The following PRRG1 variants were observed in gnomAD, a reference collection of about 807,000 sequenced individuals.
The protein encoded by PRRG1 is proline rich and Gla domain 1, also known as transmembrane gamma-carboxyglutamic acid protein 1.
A neutral mutation model predicts 11.8 loss-of-function variants in PRRG1; 5 were observed. The observed-to-expected ratio is 0.42, with a 90% CI of 0.22 to 0.89. The LOEUF (loss-of-function observed/expected upper bound fraction) is 0.89, where lower values mean the gene tolerates loss of function less well. PRRG1 is among the 40% of genes least tolerant of loss of function. The probability of loss-of-function intolerance (pLI) is 0.28; values close to 1 mark genes in which losing one functional copy is unlikely to be tolerated. For missense variants in PRRG1, 155 were observed against 166.1 expected (o/e 0.93, Z 0.37); for synonymous variants, 66 against 60.4 (o/e 1.09, Z -0.43).
chrX:37,385,311 C>T (rs1601988247), intron 1 of PRRG1, among the ~76,000 whole-genome samples: 1 of 110,631 alleles, frequency 9.0e-6, no homozygotes, highest in East Asian at 2.9e-4. Context: ...AGTCGTTACC[C>T]TTATTAGGAA....
chrX:37,368,702 T>C (rs1005855819), intron 1 of PRRG1, among the ~76,000 whole-genome samples: 1 of 98,640 alleles, frequency 1.0e-5, no homozygotes, highest in Non-Finnish European at 1.9e-5. Flanking sequence ...CTAAGATCTG[T>C]TTTTTTTTAT....
chrX:37,359,202 C>CT (rs1337851119), intron 1 of PRRG1, among the ~76,000 whole-genome samples: 2 of 111,217 alleles, frequency 1.8e-5, no homozygotes, highest in Non-Finnish European at 3.8e-5. Flanking sequence ...ACATCCTTGC[C>CT]TTTTTTCTGA....
At chrX:37,363,266 G>A (rs1930469281) in intron 1 of PRRG1, among the ~76,000 whole-genome samples, 1 of 111,412 alleles carries the variant, frequency 9.0e-6, no homozygotes, top group Admixed American at 9.5e-5. Context: ...TAGGAGACCC[G>A]TTGCATGAAG....
chrX:37,420,668 CAAAAAAAAAAA>C (rs1302856034), intron 2 of PRRG1, among the ~76,000 whole-genome samples: 2 of 29,533 alleles, frequency 6.8e-5, no homozygotes, highest in Non-Finnish European at 1.2e-4. Flanking sequence ...CCCGTCTATG[CAAAAAAAAAAA>C]AAAAAAAAGA....
chrX:37,421,688 G>T (rs1556387103), intron 2 of PRRG1, among the ~76,000 whole-genome samples: 1 of 111,929 alleles, frequency 8.9e-6, no homozygotes, highest in Non-Finnish European at 1.9e-5. Context: ...AATTTTAGGG[G>T]CACATGTTCT....
At chrX:37,402,975 A>G (rs1932055977) in intron 1 of PRRG1, among the ~76,000 whole-genome samples, 1 of 111,267 alleles carries the variant, frequency 9.0e-6, no homozygotes, top group African/African-American at 3.3e-5. Flanking sequence ...AAAAGTCAGG[A>G]AACAACGGGT....
chrX:37,369,328 G>A (rs1930683537), intron 1 of PRRG1, among the ~76,000 whole-genome samples: 1 of 110,864 alleles, frequency 9.0e-6, no homozygotes, highest in Non-Finnish European at 1.9e-5. Flanking sequence ...ATTTTTTCAT[G>A]CTTTAAAGAT....
At chrX:37,401,624 G>C (rs1200390700) in intron 1 of PRRG1, among the ~76,000 whole-genome samples, 2 of 110,915 alleles carry the variant, frequency 1.8e-5, no homozygotes, top group African/African-American at 6.6e-5. Flanking sequence ...AGTGTTGGAA[G>C]TTCTGGCCAG....
At chrX:37,446,998 A>G (rs1231884996) in intron 3 of PRRG1, among the ~76,000 whole-genome samples, 1 of 111,565 alleles carries the variant, frequency 9.0e-6, no homozygotes, top group African/African-American at 3.3e-5. Flanking sequence ...CCCATCTCCC[A>G]ACACTGCCAC....
chrX:37,451,446 T>C (rs1193554650), intron 3 of PRRG1, among the ~76,000 whole-genome samples: 2 of 112,840 alleles, frequency 1.8e-5, no homozygotes, highest in Non-Finnish European at 3.7e-5. Flanking sequence ...AAAGTCTTCA[T>C]ACATCTATAT....
At chrX:37,441,168 A>C in intron 3 of PRRG1, 1 of 852,139 alleles carries the variant, frequency 1.2e-6, no homozygotes. Context: ...TGTTACCAAA[A>C]ATATCAAATT....
At chrX:37,401,835 C>T (rs1952546932) in intron 1 of PRRG1, among the ~76,000 whole-genome samples, 2 of 110,812 alleles carry the variant, frequency 1.8e-5, no homozygotes, top group Non-Finnish European at 3.8e-5. Flanking sequence ...TTCTTATACA[C>T]CAACAACAGA....
intron 1 of PRRG1, among the ~76,000 whole-genome samples, chrX:37,384,446 C>T (rs782006579): frequency 7.6e-4 from 85 of 111,569 alleles, no homozygotes; most frequent in Non-Finnish European, 1.2e-3. Flanking sequence ...CTTAAGGATT[C>T]CTTCTGCCTT....
At chrX:37,447,611 T>G (rs1360685848) in intron 3 of PRRG1, among the ~76,000 whole-genome samples, 6 of 112,597 alleles carry the variant, frequency 5.3e-5, no homozygotes, top group African/African-American at 1.9e-4. Context: ...TGGTTAAAAG[T>G]TTGAGATAGA....
At chrX:37,353,120 C>T (rs1470807979) in intron 1 of PRRG1, among the ~76,000 whole-genome samples, 3 of 111,810 alleles carry the variant, frequency 2.7e-5, no homozygotes, top group African/African-American at 9.7e-5. Context: ...GATATCTCCA[C>T]CCATGTTATT....
intron 1 of PRRG1, among the ~76,000 whole-genome samples, chrX:37,391,964 A>G (rs1931551598): frequency 9.1e-6 from 1 of 110,164 alleles, no homozygotes; most frequent in Non-Finnish European, 1.9e-5. Flanking sequence ...TGTTTCAATG[A>G]TACTTACACT....
At chrX:37,400,318 A>T (rs1931921539) in intron 1 of PRRG1, among the ~76,000 whole-genome samples, 2 of 112,148 alleles carry the variant, frequency 1.8e-5, no homozygotes, top group African/African-American at 6.5e-5. Context: ...AGAACTCAGG[A>T]TTAAGAAACA....
chrX:37,376,551 G>GCATATATATATATATATA (rs1556372317), intron 1 of PRRG1, among the ~76,000 whole-genome samples: 1 of 26,911 alleles, frequency 3.7e-5, no homozygotes, highest in African/African-American at 7.7e-5. Context: ...AAATGTGAGT[G>GCATATATATATATATATA]TATATATATA....
chrX:37,431,875 C>T (rs1164129184), intron 3 of PRRG1, among the ~76,000 whole-genome samples: 1 of 108,700 alleles, frequency 9.2e-6, no homozygotes, highest in East Asian at 2.9e-4. Context: ...TCAAGTGATT[C>T]TTGTGCCTCA....
Sources: allele counts gnomAD v4.1 joint callset (sites outside exome capture counted in the v4.1 genomes callset), GRCh38; gene constraint gnomAD v4.1.1; transcripts MANE v1.5; gene names NCBI Gene and HGNC (gene_info 2026-07-23, HGNC 2026-07-21).